Variants in COL24A1 observed in about 807,000 individuals in gnomAD.
The protein encoded by COL24A1 is collagen alpha-1(XXIV) chain.
Under a neutral mutation model 253.9 loss-of-function variants are expected in COL24A1, and 224 were observed. The observed-to-expected ratio is 0.88, with a 90% CI of 0.79 to 0.99. The LOEUF is 0.99. COL24A1 is among the 50% of genes least tolerant of loss of function. COL24A1 has a pLI of 0.00. For synonymous variants in COL24A1, 685 were observed against 673.7 expected, an observed-to-expected ratio of 1.02 and a Z score of -0.26; for missense variants, 2,131 against 2,068.5, an observed-to-expected ratio of 1.03 and a Z score of -0.59.
chr1:85,883,177 T>TTTTGGCTTCTCA (rs1308012781), intron 32 of COL24A1, among the ~76,000 whole-genome samples: 6 of 152,110 alleles, frequency 3.9e-5, no homozygotes, highest in African/African-American at 1.4e-4. Context: ...CTTCTTCTTC[T>TTTTGGCTTCTCA]TTTTAATGTT....
At position 86,142,144 on chromosome 1, in the gene COL24A1, C is replaced by G. The variant is rs965737359; in HGVS notation, c.121+3975G>C. Among the ~76,000 whole-genome samples, 18 of 150,704 alleles carry G rather than the reference C, an allele frequency of 1.2e-4. 1 individual carries two copies. Among genetic ancestry groups the G allele is most frequent in the Admixed American group, 1.2e-3 (18 of 15,126 alleles). ...GAAAAAATCGTCATTCTTATCCTTA[C>G]AGAGATAAAAGTAGACATTGCATCA... On this transcript the variant is annotated intron_variant, in intron 2 of 59. Transcript: ENST00000370571.
intron 24 of COL24A1, among the ~76,000 whole-genome samples, chr1:85,955,094 C>G (rs116041828): frequency 6.6e-6 from 1 of 152,100 alleles, no homozygotes; most frequent in East Asian, 1.9e-4. Context: ...CGCTATAAGC[C>G]GGATACAGAC....
intron 1 of COL24A1, chr1:86,155,477 A>G (rs12080986): frequency 0.13 from 20,080 of 152,490 alleles, 1,428 homozygotes; most frequent in East Asian, 0.25. Context: ...TGTGTAACCC[A>G]CTGACCTCTT....
chr1:85,733,810 C>A (rs1663760959), intron 59 of COL24A1, among the ~76,000 whole-genome samples: 1 of 151,208 alleles, frequency 6.6e-6, no homozygotes, highest in Non-Finnish European at 1.5e-5. Context: ...AAACTCCTGG[C>A]CTCAAGTGAA....
At chr1:86,110,862 C>T (rs887749962) in intron 5 of COL24A1, among the ~76,000 whole-genome samples, 7 of 152,296 alleles carry the variant, frequency 4.6e-5, no homozygotes, top group Non-Finnish European at 1.0e-4. Flanking sequence ...CCCAAGCCTC[C>T]CCAGTGGGGG....
intron 4 of COL24A1, 26 bp from the exon 5 acceptor site, chr1:86,112,646 T>TTCTTG: frequency 6.2e-7 from 1 of 1,608,220 alleles, no homozygotes; most frequent in South Asian, 1.1e-5. Context: ...AAAGTCATCA[T>TTCTTG]TCTTGGAACA....
At chr1:85,869,218 A>C (rs995744032) in intron 35 of COL24A1, among the ~76,000 whole-genome samples, 1 of 152,180 alleles carries the variant, frequency 6.6e-6, no homozygotes, top group Non-Finnish European at 1.5e-5. Context: ...TTGTATTTAC[A>C]TGGGTTAATA....
At chr1:86,012,936 G>A (rs1183596164) in intron 19 of COL24A1, among the ~76,000 whole-genome samples, 1 of 149,346 alleles carries the variant, frequency 6.7e-6, no homozygotes, top group Non-Finnish European at 1.5e-5. Flanking sequence ...TCTAGACAAT[G>A]TGTCCTGTCT....
intron 27 of COL24A1, among the ~76,000 whole-genome samples, chr1:85,908,303 T>C (rs1460253403): frequency 6.6e-6 from 1 of 151,772 alleles, no homozygotes; most frequent in African/African-American, 2.4e-5. Flanking sequence ...ATCCAATTGG[T>C]CTCACTTCTA....
intron 19 of COL24A1, among the ~76,000 whole-genome samples, chr1:85,990,266 T>C (rs1351626240): frequency 6.6e-6 from 1 of 152,232 alleles, no homozygotes; most frequent in East Asian, 1.9e-4. Flanking sequence ...ATCCTCCAGA[T>C]AAGCCTGGAA....
intron 57 of COL24A1, among the ~76,000 whole-genome samples, chr1:85,744,249 G>A (rs187269693): frequency 2.6e-5 from 4 of 152,032 alleles, no homozygotes; most frequent in African/African-American, 9.6e-5. Context: ...ATCAATTCTA[G>A]AAGGCGACAT....
rs186184258 is a variant in COL24A1 at position 85,920,141 on chromosome 1, T to C, written c.2563-8708A>G. On this transcript the variant is annotated intron_variant, in intron 24 of 59. Coordinates refer to ENST00000370571, the MANE Select transcript of COL24A1 (RefSeq NM_152890.7). The stretch of plus-strand genomic sequence containing the variant: ...ACTAAGGAGTTCAAAATCCAGTAAA[T>C]TGGAATAAGGTAAACGTATATTTTC... Among the ~76,000 whole-genome samples, 329 of 152,216 alleles carry C rather than the reference T, an allele frequency of 2.2e-3. 10 individuals are homozygous for C. In the South Asian group the frequency reaches 0.052, roughly 24 times the overall value.
intron 57 of COL24A1, among the ~76,000 whole-genome samples, chr1:85,741,132 A>G (rs1204715597): frequency 1.3e-5 from 2 of 150,684 alleles, no homozygotes; most frequent in East Asian, 3.9e-4. Context: ...AAAAAAAAAA[A>G]GAAAAGAAAA....
chr1:85,886,415 C>T (rs551588525), intron 32 of COL24A1, among the ~76,000 whole-genome samples: 3 of 151,684 alleles, frequency 2.0e-5, no homozygotes, highest in Admixed American at 2.0e-4. Context: ...CCTGTAATCC[C>T]AGCACTTTGG....
At chr1:86,101,506 T>C (rs183460096) in intron 5 of COL24A1, among the ~76,000 whole-genome samples, 1 of 152,334 alleles carries the variant, frequency 6.6e-6, no homozygotes, top group East Asian at 1.9e-4. Flanking sequence ...CCATCCAGTA[T>C]AATGTTAGCT....
At chr1:86,033,499 G>C (rs994000541) in intron 13 of COL24A1, among the ~76,000 whole-genome samples, 3 of 152,104 alleles carry the variant, frequency 2.0e-5, no homozygotes, top group African/African-American at 4.8e-5. Flanking sequence ...ACACTAAGAA[G>C]TAAGGTGGAT....
At chr1:85,942,091 T>A (rs149078725) in intron 24 of COL24A1, among the ~76,000 whole-genome samples, 1 of 152,286 alleles carries the variant, frequency 6.6e-6, no homozygotes, top group East Asian at 1.9e-4. Flanking sequence ...GTGGAGATCA[T>A]ATAGGGAAAA....
intron 18 of COL24A1, among the ~76,000 whole-genome samples, chr1:86,019,279 A>G (rs1260677787): frequency 2.6e-5 from 4 of 152,148 alleles, no homozygotes; most frequent in Non-Finnish European, 5.9e-5. Flanking sequence ...ATATACAGCC[A>G]GGTGCAGTGG....
intron 47 of COL24A1, among the ~76,000 whole-genome samples, chr1:85,814,328 T>C (rs575918179): frequency 1.3e-5 from 2 of 152,346 alleles, no homozygotes; most frequent in African/African-American, 4.8e-5. Flanking sequence ...TGACAGATTC[T>C]AGGAATAAGG....
Sources: gnomAD v4.1 joint callset for allele counts (sites outside exome capture counted in the v4.1 genomes callset) on GRCh38, gnomAD v4.1.1 for gene constraint, MANE v1.5 for transcripts, NCBI Gene and HGNC (gene_info 2026-07-23, HGNC 2026-07-21) for gene names.